Variants in TMEM44 observed in about 807,000 individuals in gnomAD.
TMEM44 encodes transmembrane protein 44.
In TMEM44, 43 loss-of-function variants were observed where a neutral mutation model predicts 47.8. That is an observed-to-expected ratio of 0.90 (90% CI 0.70 to 1.16). TMEM44 has a LOEUF of 1.16. Among genes scored for constraint, TMEM44 ranks in the 50% most tolerant of loss-of-function variants. The pLI, the probability that TMEM44 is intolerant of heterozygous loss-of-function variation, is 0.00. For synonymous variants in TMEM44, 277 were observed against 238.8 expected (o/e 1.16, Z -1.48); for missense variants, 568 against 555.2 (o/e 1.02, Z -0.23).
chr3:194,625,722 T>C (rs924595596), intron 3 of TMEM44, among the ~76,000 whole-genome samples, 175 bp downstream of exon 3: 25 of 152,194 alleles, frequency 1.6e-4, no homozygotes, highest in African/African-American at 5.8e-4. Context: ...CCTCATGATC[T>C]GCCCACCTCA....
intron 3 of TMEM44, among the ~76,000 whole-genome samples, chr3:194,624,566 G>T (rs1376998716): frequency 6.6e-6 from 1 of 152,108 alleles, no homozygotes; most frequent in Admixed American, 6.6e-5. Flanking sequence ...CCACAGGCAT[G>T]CACCATCATG....
At chr3:194,590,637 C>T (rs1010505796) in intron 9 of TMEM44, among the ~76,000 whole-genome samples, 18 of 152,194 alleles carry the variant, frequency 1.2e-4, no homozygotes, top group African/African-American at 2.2e-4. Context: ...GTTCTCACAG[C>T]GTGTGCTTGA....
At chr3:194,627,414 A>T (rs60298239) in intron 2 of TMEM44, among the ~76,000 whole-genome samples, 13,962 of 147,310 alleles carry the variant, frequency 0.095, 1,014 homozygotes, top group East Asian at 0.3. Context: ...TCCTGGGGAT[A>T]TGTGTTTTGG....
At chr3:194,605,586 C>T (rs760888700) in intron 8 of TMEM44, among the ~76,000 whole-genome samples, 3 of 152,148 alleles carry the variant, frequency 2.0e-5, no homozygotes, top group South Asian at 2.1e-4. Flanking sequence ...CATCAGATCT[C>T]GTGAGACTAA....
In TMEM44 at chr3:194,601,530, C is replaced by T. The variant is rs375175979; in HGVS notation, c.1176+2757G>A. ...TGTTGGTCAGGCTGGTCTCGAACTC[C>T]GATCTCAGATGATCCGCCCACCTTG... On this transcript the variant is annotated intron_variant, in intron 9 of 9. Coordinates refer to ENST00000347147, the MANE Select transcript of TMEM44 (RefSeq NM_001011655.3). Among the ~76,000 whole-genome samples, 22 of 152,068 alleles carry T rather than the reference C, an allele frequency of 1.4e-4. No homozygotes were observed. In the South Asian group the frequency reaches 3.5e-3, roughly 24 times the overall value.
At chr3:194,626,060 C>CAT in intron 2 of TMEM44, 70 bp from the exon 3 acceptor site, 1 of 1,263,438 alleles carries the variant, frequency 7.9e-7, no homozygotes, top group Non-Finnish European at 1.2e-6. Context: ...GTTTGTCATC[C>CAT]GGGACCCTGT....
intron 9 of TMEM44, among the ~76,000 whole-genome samples, chr3:194,600,090 TTTTTG>T (rs756453603): frequency 8.7e-5 from 13 of 150,002 alleles, no homozygotes; most frequent in Non-Finnish European, 1.6e-4. Flanking sequence ...AAAACATTTA[TTTTTG>T]TTTTGTTTTG....
intron 5 of TMEM44, among the ~76,000 whole-genome samples, chr3:194,620,711 A>C (rs1409670283): frequency 6.6e-6 from 1 of 152,100 alleles, no homozygotes; most frequent in African/African-American, 2.4e-5. Context: ...TATGAGTTGC[A>C]ATGTGTGCCC....
chr3:194,614,941 A>G (rs1404708964), intron 7 of TMEM44, among the ~76,000 whole-genome samples: 1 of 152,184 alleles, frequency 6.6e-6, no homozygotes, highest in East Asian at 1.9e-4. Context: ...GTAGCTTTTT[A>G]AAGTGACCAA....
chr3:194,601,514 G>A (rs1714125030), intron 9 of TMEM44, among the ~76,000 whole-genome samples: 1 of 152,084 alleles, frequency 6.6e-6, no homozygotes. Flanking sequence ...ATGTTGGTCA[G>A]GCTGGTCTCG....
At position 194,611,110 on chromosome 3, in the gene TMEM44, C is replaced by G; in HGVS notation, c.913-90G>C. On this transcript the variant is annotated intron_variant, in intron 7 of 9. Transcript: ENST00000347147. The surrounding 1 kb of genome is among the most constrained non-coding windows in gnomAD (Gnocchi z 4.2). The stretch of plus-strand genomic sequence containing the variant: ...CAAGGTCACATTTTATTCAAAAGGA[C>G]CCCCGTGGTATTTTCTCTCTCTCTT... The G allele has an allele frequency of 9.9e-7, 1 of 1,012,030 alleles. No homozygotes were observed. The highest frequency in any genetic ancestry group is 1.4e-5 in the South Asian group (1 of 72,728). 62.7% of individuals were successfully genotyped at this position (1,012,030 alleles called of 1,614,324 possible).
chr3:194,626,063 G>GTT, intron 2 of TMEM44, 73 bp from the exon 3 acceptor site: 1 of 1,233,522 alleles, frequency 8.1e-7, no homozygotes, highest in Non-Finnish European at 1.2e-6. Flanking sequence ...TGTCATCCGG[G>GTT]ACCCTGTATC....
chr3:194,601,462 G>A (rs111515017), intron 9 of TMEM44, among the ~76,000 whole-genome samples: 2,646 of 152,224 alleles, frequency 0.017, 30 homozygotes, highest in Middle Eastern at 0.041. Context: ...GCGCCACCAC[G>A]CCTGGCTAAT....
chr3:194,612,866 G>GTTTTTAGCCGGGA (rs572987017), intron 7 of TMEM44, among the ~76,000 whole-genome samples: 248 of 151,596 alleles, frequency 1.6e-3, no homozygotes, highest in African/African-American at 5.6e-3. Context: ...GGGTTTCACT[G>GTTTTTAGCCGGGA]TGGTCTCGAT....
At chr3:194,617,299 G>GGGGGGGGA in intron 5 of TMEM44, 30 bp from the exon 6 acceptor site, 1 of 619,742 alleles carries the variant, frequency 1.6e-6, no homozygotes, top group Non-Finnish European at 2.7e-6. Context: ...GGCTGGGCGG[G>GGGGGGGGA]AGAAGCAGCA....
At chr3:194,630,163 G>A (rs1158683462) in intron 1 of TMEM44, among the ~76,000 whole-genome samples, 1 of 95,456 alleles carries the variant, frequency 1.0e-5, no homozygotes, top group Admixed American at 1.2e-4. Context: ...CTTCCCGAAG[G>A]GGCTGGCTGT....
intron 9 of TMEM44, chr3:194,596,852 T>G (rs1713474055): frequency 6.6e-6 from 1 of 152,208 alleles, no homozygotes; most frequent in African/African-American, 2.4e-5. Context: ...TCATGCATAC[T>G]TTTTTCCCAG....
chr3:194,633,005 T>C (rs1352649940), intron 1 of TMEM44, 74 bp downstream of exon 1: 26 of 1,509,194 alleles, frequency 1.7e-5, no homozygotes, highest in African/African-American at 1.7e-4. Context: ...CTCCTCTAGG[T>C]TTCCGAGAGG....
Position 194,625,891 on chromosome 3 carries a change from A to G in TMEM44, c.358+6T>C, listed in dbSNP as rs1229644698. Reference sequence around the variant, plus strand: ...TAAAGACAGGAAAAGACAGCCACACACTCACCTGAATTAGACTTGAATTTG... The same window carrying G: ...TAAAGACAGGAAAAGACAGCCACACGCTCACCTGAATTAGACTTGAATTTG... On this transcript the variant is annotated splice_donor_region_variant and intron_variant, in intron 3 of 9. Coordinates refer to ENST00000347147, the MANE Select transcript of TMEM44 (RefSeq NM_001011655.3). 3 of 1,609,416 alleles carry G rather than the reference A, an allele frequency of 1.9e-6. No individual in the cohort carries two copies. The Admixed American group carries it at 5.0e-5, about 27-fold the overall frequency.
Sources: allele counts gnomAD v4.1 joint callset (sites outside exome capture counted in the v4.1 genomes callset), GRCh38; gene constraint gnomAD v4.1.1; non-coding constraint Gnocchi (gnomAD v3.1); transcripts MANE v1.5; gene names NCBI Gene and HGNC (gene_info 2026-07-23, HGNC 2026-07-21).